The following GZMK variants were observed in gnomAD, a reference collection of about 807,000 sequenced individuals.
GZMK encodes the protein granzyme K.
A neutral mutation model predicts 22.8 loss-of-function variants in GZMK; 18 were observed. That is an observed-to-expected ratio of 0.79 (90% CI 0.54 to 1.17). The LOEUF (loss-of-function observed/expected upper bound fraction) is 1.17, where lower values mean the gene tolerates loss of function less well. Among genes scored for constraint, GZMK ranks in the 50% most tolerant of loss-of-function variants. The pLI, the probability that GZMK is intolerant of heterozygous loss-of-function variation, is 0.00. For synonymous variants in GZMK, 136 were observed against 115.0 expected (o/e 1.18, Z -1.17); for missense variants, 342 against 320.2 (o/e 1.07, Z -0.52).
At chr5:55,032,135 A>G (rs1322437758) in intron 4 of GZMK, among the ~76,000 whole-genome samples, 3 of 152,218 alleles carry the variant, frequency 2.0e-5, no homozygotes, top group Non-Finnish European at 4.4e-5. Context: ...TGGCTTATAA[A>G]TAACAGAACT....
At chr5:55,030,266 A>G (rs1741204647) in intron 2 of GZMK, 168 bp from the exon 3 acceptor site, 4 of 577,278 alleles carry the variant, frequency 6.9e-6, no homozygotes, top group Non-Finnish European at 9.0e-6. Context: ...CTTAATATCA[A>G]TTCATGCTGG....
intron 2 of GZMK, chr5:55,025,775 C>A (rs536239539): frequency 2.0e-5 from 3 of 152,250 alleles, no homozygotes; most frequent in Non-Finnish European, 4.4e-5. Context: ...CTAAACAGAA[C>A]AATTGAATTG....
At chr5:55,033,200 A>G (rs181245547) in intron 4 of GZMK, among the ~76,000 whole-genome samples, 50 of 152,342 alleles carry the variant, frequency 3.3e-4, no homozygotes, top group Middle Eastern at 3.4e-3. Context: ...TTTACTAAGT[A>G]TGGTACATAT....
chr5:55,027,557 G>T (rs569448585), intron 2 of GZMK: 1 of 152,264 alleles, frequency 6.6e-6, no homozygotes, highest in Non-Finnish European at 1.5e-5. Flanking sequence ...CCAAATTTGG[G>T]TCCTGATTCC....
chr5:55,031,266 A>G, intron 3 of GZMK, 98 bp from the exon 4 acceptor site: 1 of 986,254 alleles, frequency 1.0e-6, no homozygotes. Flanking sequence ...CAGAACAGGG[A>G]CGCCCGCCTA....
chr5:55,031,037 G>A (rs1324163796), intron 3 of GZMK, among the ~76,000 whole-genome samples: 3 of 152,122 alleles, frequency 2.0e-5, no homozygotes, highest in Admixed American at 6.5e-5. Flanking sequence ...GGTCCTATCC[G>A]GCAGGAAGCA....
At chr5:55,032,017 A>T (rs900449670) in intron 4 of GZMK, among the ~76,000 whole-genome samples, 2 of 151,970 alleles carry the variant, frequency 1.3e-5, no homozygotes, top group Non-Finnish European at 2.9e-5. Flanking sequence ...AGGAGGCCTT[A>T]AAGACTCAAA....
In GZMK at chr5:55,030,582, A is replaced by G. The variant is rs1357398052; in HGVS notation, c.361A>G (p.Lys121Glu). 2 of 1,609,944 alleles carry G rather than the reference A, an allele frequency of 1.2e-6. No homozygotes were observed. Among genetic ancestry groups the G allele is most frequent in the East Asian group, 4.5e-5 (2 of 44,866 alleles). ...TCAATCAAATGATATCATGCTGGTT[A>G]AGGTAGGTAGTAGCATTGTCTTCCT... Reference protein sequence around the residue: ...DPQSNDIMLVKLQTAAKLNKH... With the variant: ...DPQSNDIMLVELQTAAKLNKH... Residue 121 changes from lysine to glutamate, a missense_variant and splice_region_variant, in exon 3 of 5, where the codon AAG (lysine) becomes GAG (glutamate). Transcript: ENST00000231009.
In GZMK at chr5:55,024,736, C is replaced by G; in HGVS notation, c.141C>G (p.Gly47=). ...CATTTATGGCCTCCATCCAGTATGGCGGACATCACGTTTGTGGAGGTGTTC... is the reference window on the plus strand; with the variant it reads ...CATTTATGGCCTCCATCCAGTATGGGGGACATCACGTTTGTGGAGGTGTTC... ...SRPFMASIQY[G]GHHVCGGVLI... Residue 47 remains glycine, a synonymous_variant, in exon 2 of 5, where the codon GGC becomes GGG. Transcript: ENST00000231009. 2.5e-6 allele frequency: 4 copies of G among 1,607,460 alleles called. No homozygotes were observed. Among genetic ancestry groups the G allele is most frequent in the Middle Eastern group, 1.7e-4 (1 of 6,048 alleles).
intron 4 of GZMK, 132 bp downstream of exon 4, chr5:55,031,765 T>C (rs1347199059): frequency 6.0e-6 from 4 of 666,764 alleles, no homozygotes; most frequent in Non-Finnish European, 1.0e-5. Flanking sequence ...TTTCTCTTCA[T>C]TCCTGCACAG....
At chr5:55,032,316 C>T (rs943054030) in intron 4 of GZMK, among the ~76,000 whole-genome samples, 2 of 152,180 alleles carry the variant, frequency 1.3e-5, no homozygotes, top group Non-Finnish European at 2.9e-5. Flanking sequence ...ATGAAGCCTT[C>T]ACCTCCATGA....
At chr5:55,025,080 A>C (rs565928632) in intron 2 of GZMK, 1 of 253,138 alleles carries the variant, frequency 4.0e-6, no homozygotes, top group South Asian at 1.5e-4. Context: ...TAATACTTGA[A>C]GCAGCAGTAC....
At chr5:55,025,584 A>G (rs1199278384) in intron 2 of GZMK, 3 of 152,180 alleles carry the variant, frequency 2.0e-5, no homozygotes, top group Non-Finnish European at 4.4e-5. Context: ...AAATGCCAGT[A>G]GAAAACTAAT....
At chr5:55,024,592 CATTGG>C in intron 1 of GZMK, 63 bp from the exon 2 acceptor site, 7 of 1,119,630 alleles carry the variant, frequency 6.3e-6, no homozygotes, top group Non-Finnish European at 9.2e-6. Flanking sequence ...TAGTGACTGT[CATTGG>C]AAGAATTACA....
rs568723909 is a variant in GZMK, at chr5:55,029,004, G to A, written c.213-1430G>A. Among the ~76,000 whole-genome samples, 61 of 152,294 alleles carry A rather than the reference G, an allele frequency of 4.0e-4. 1 individual carries two copies. Among genetic ancestry groups the A allele is most frequent in the African/African-American group, 1.4e-3 (60 of 41,562 alleles). ...AATCCCAGCACTTTGGGAGGCTGAG[G>A]CCAGTAGATCACCTGAGGTCAGGAG... On this transcript the variant is annotated intron_variant, in intron 2 of 4. Transcript: ENST00000231009.
chr5:55,028,708 A>G (rs1340451873), intron 2 of GZMK: 4 of 152,256 alleles, frequency 2.6e-5, no homozygotes, highest in African/African-American at 7.2e-5. Flanking sequence ...AAATAGTTAC[A>G]TGTAAACAAA....
intron 3 of GZMK, among the ~76,000 whole-genome samples, chr5:55,031,096 A>G (rs1436283187): frequency 6.6e-6 from 1 of 152,132 alleles, no homozygotes; most frequent in African/African-American, 2.4e-5. Flanking sequence ...ACACAAAACC[A>G]TCCAATGCAG....
In GZMK at chr5:55,024,380, C is replaced by A; in HGVS notation, c.58C>A (p.His20Asn). 2.1e-6 allele frequency: 3 copies of A among 1,426,202 alleles called. No homozygotes were observed. The highest frequency in any genetic ancestry group is 3.0e-6 in the Non-Finnish European group (3 of 1,010,692). The allele number at this position is 1,426,202 out of a possible 1,614,324, so 88.3% of individuals were successfully genotyped here. A position where few individuals can be genotyped will look rare whatever the true frequency, so the allele number is the denominator to read the frequency against. Residue 20 changes from histidine (H) to asparagine (N), a missense_variant, in exon 1 of 5, where the codon CAT becomes AAT. Transcript: ENST00000231009. The part of the protein sequence containing the change: ...FFLIVGAYMT[H>N]VCFNMEIIGG... ...CCTAATAGTTGGGGCTTATATGACT[C>A]ATGTGTGTAAGTATCTCCTATATCT...
chr5:55,031,440 C>T lies in GZMK; in HGVS notation c.440C>T (p.Thr147Ile). ...TCCAAAACCTCTCTTAGATCTGGAA[C>T]CAAATGCAAGGTTACTGGCTGGGGA... ...IRSKTSLRSG[T>I]KCKVTGWGAT... The change falls in exon 4 of 5, where the codon ACC (threonine) becomes ATC (isoleucine). Residue 147 changes from threonine to isoleucine, a missense_variant. By Grantham distance (89) the Thr-to-Ile change is moderately conservative. Coordinates refer to ENST00000231009, the MANE Select transcript of GZMK (RefSeq NM_002104.3). 3.1e-6 allele frequency: 5 copies of T among 1,613,656 alleles called. No homozygotes were observed. The South Asian group carries it at 3.3e-5, about 11-fold the overall frequency.
Sources: gnomAD v4.1 joint callset for allele counts (sites outside exome capture counted in the v4.1 genomes callset) on GRCh38, gnomAD v4.1.1 for gene constraint, MANE v1.5 for transcripts, NCBI Gene and HGNC (gene_info 2026-07-23, HGNC 2026-07-21) for gene names.